GK: variants seen among roughly 807,000 people sequenced by gnomAD.
GK encodes ATP:glycerol 3-phosphotransferase.
A neutral mutation model predicts 56.4 loss-of-function variants in GK; 9 were observed. That is an observed-to-expected ratio of 0.16 (90% confidence interval 0.10 to 0.28). GK has a LOEUF of 0.28. Among genes scored for constraint, GK ranks in the 10% least tolerant of loss-of-function variants. GK has a pLI of 1.00. For missense variants in GK, 161 were observed against 431.4 expected, an observed-to-expected ratio of 0.37 and a Z score of 5.55; for synonymous variants, 104 against 144.1, an observed-to-expected ratio of 0.72 and a Z score of 1.99.
intron 13 of GK, among the ~76,000 whole-genome samples, chrX:30,708,717 A>G (rs140675112): frequency 2.6e-4 from 29 of 112,214 alleles, no homozygotes; most frequent in Middle Eastern, 4.6e-3. Flanking sequence ...TGTTAGAAAT[A>G]TTTATTTATA....
Position 30,653,730 on chromosome X carries a change from G to A in GK, c.78+115G>A. 6 of 705,688 alleles carry A rather than the reference G, an allele frequency of 8.5e-6. No homozygotes were observed. In the South Asian group the frequency reaches 1.4e-4, roughly 16 times the overall value. The allele number at this position is 705,688 out of a possible 1,213,427, so 58.2% of individuals were successfully genotyped here. A position where few individuals can be genotyped will look rare whatever the true frequency, so the allele number is the denominator to read the frequency against. On this transcript the variant is annotated intron_variant, in intron 1 of 20. Coordinates refer to ENST00000427190, the MANE Select transcript of GK (RefSeq NM_001205019.2). ...TCTCCGGCCCGGTGCCCCGGCCGCT[G>A]GGCAAGGAGGGAGGCCGGAACGGGA...
In GK at chrX:30,729,898, A is replaced by C. The variant is rs1246148173; in HGVS notation, c.*1156A>C. Reference sequence around the variant, plus strand: ...TATTGAGGGGATAAGAGGATGTCAAAAAAGTTAAATACCTAAGTAGAAAAA... The same window carrying C: ...TATTGAGGGGATAAGAGGATGTCAACAAAGTTAAATACCTAAGTAGAAAAA... On this transcript the variant is annotated 3_prime_UTR_variant, in exon 21 of 21. Coordinates refer to ENST00000427190, the MANE Select transcript of GK (RefSeq NM_001205019.2). The C allele has an allele frequency of 1.8e-5, 2 of 112,270 alleles. No individual in the cohort carries two copies. Among genetic ancestry groups the C allele is most frequent in the Non-Finnish European group, 3.8e-5 (2 of 53,117 alleles). 9.3% of individuals were successfully genotyped at this position (112,270 alleles called of 1,213,427 possible). A position where few individuals can be genotyped will look rare whatever the true frequency, so the allele number is the denominator to read the frequency against.
chrX:30,665,500 A>T lies in GK; in HGVS notation c.79-11A>T. 1 of 1,013,723 alleles carries T rather than the reference A, an allele frequency of 9.9e-7. No individual in the cohort carries two copies. Among genetic ancestry groups the T allele is most frequent in the Non-Finnish European group, 1.4e-6 (1 of 715,215 alleles). 83.5% of individuals were successfully genotyped at this position (1,013,723 alleles called of 1,213,427 possible). A position where few individuals can be genotyped will look rare whatever the true frequency, so the allele number is the denominator to read the frequency against. ...TGCATTTTTACATTAATATTACAAT[A>T]TCTTTTTCAGGTTTTCAATTCAAAA... On this transcript the variant is annotated splice_polypyrimidine_tract_variant and intron_variant, in intron 1 of 20. Coordinates refer to ENST00000427190, the MANE Select transcript of GK (RefSeq NM_001205019.2).
intron 11 of GK, among the ~76,000 whole-genome samples, chrX:30,707,263 G>A (rs1319061758): frequency 9.3e-6 from 1 of 107,863 alleles, no homozygotes; most frequent in Non-Finnish European, 1.9e-5. Context: ...TCGGGAGGCG[G>A]AGGTTGCAAT....
At chrX:30,654,833 C>T (rs926815054) in intron 1 of GK, among the ~76,000 whole-genome samples, 2 of 112,367 alleles carry the variant, frequency 1.8e-5, no homozygotes, top group Non-Finnish European at 3.8e-5. Context: ...ACTAACTTGG[C>T]AAGTTGATGT....
chrX:30,693,011 C>CTTTTTTTTT (rs1184645786), intron 5 of GK, among the ~76,000 whole-genome samples: 2 of 56,617 alleles, frequency 3.5e-5, no homozygotes, highest in African/African-American at 7.2e-5. Context: ...TTTTTCTTTT[C>CTTTTTTTTT]TTTTTTTTTT....
rs1569153785 is a variant in GK, at chrX:30,684,255, T to C, written c.337+6803T>C. On this transcript the variant is annotated intron_variant, in intron 4 of 20. Transcript: ENST00000427190. ...ATGGCCTAGCTGTATTTCCCCCTAA[T>C]TGGCCAAGTTTGCTCACTCACCACT... Among the ~76,000 whole-genome samples the C allele has an allele frequency of 2.7e-5, 3 of 112,291 alleles. No individual in the cohort carries two copies. In the South Asian group the frequency reaches 1.1e-3, roughly 41 times the overall value.
intron 1 of GK, among the ~76,000 whole-genome samples, chrX:30,664,362 G>A (rs1421903518): frequency 9.4e-6 from 1 of 106,316 alleles, no homozygotes; most frequent in African/African-American, 3.4e-5. Flanking sequence ...ACCACACCTA[G>A]CTAATTTTTG....
chrX:30,655,170 ACCCAGGGCAGGT>A (rs1185448945), intron 1 of GK, among the ~76,000 whole-genome samples: 479 of 112,331 alleles, frequency 4.3e-3, no homozygotes, highest in Non-Finnish European at 7.2e-3. Flanking sequence ...TCTTTTGATC[ACCCAGGGCAGGT>A]TTCACTTTGT....
chrX:30,664,255 G>A (rs1418281482), intron 1 of GK, among the ~76,000 whole-genome samples: 1 of 99,960 alleles, frequency 1.0e-5, no homozygotes, highest in Non-Finnish European at 2.0e-5. Context: ...GTGCAATAGC[G>A]TGATCTCGGC....
At chrX:30,699,161 CT>C (rs1379667831) in intron 9 of GK, among the ~76,000 whole-genome samples, 1 of 101,331 alleles carries the variant, frequency 9.9e-6, no homozygotes, top group African/African-American at 3.6e-5. Flanking sequence ...TACATCACCC[CT>C]ACTTCAGGGA....
chrX:30,712,717 C>CA (rs1936392617), intron 13 of GK, among the ~76,000 whole-genome samples: 1 of 48,436 alleles, frequency 2.1e-5, no homozygotes, highest in Non-Finnish European at 3.5e-5. Flanking sequence ...TTTTTCTTTT[C>CA]TTTTTTTTTT....
chrX:30,697,962 A>T (rs1485824868), intron 9 of GK, among the ~76,000 whole-genome samples: 1 of 112,107 alleles, frequency 8.9e-6, no homozygotes, highest in Non-Finnish European at 1.9e-5. Flanking sequence ...AAAATAAAAG[A>T]CTAAGGTAGT....
chrX:30,657,454 G>A (rs1932383311), intron 1 of GK, among the ~76,000 whole-genome samples: 1 of 112,344 alleles, frequency 8.9e-6, no homozygotes, highest in Non-Finnish European at 1.9e-5. Flanking sequence ...CCATTTCTTT[G>A]TAAGACAAAA....
intron 3 of GK, among the ~76,000 whole-genome samples, chrX:30,671,291 C>CAAAAA (rs56822779): frequency 3.0e-3 from 82 of 26,923 alleles, no homozygotes; most frequent in Middle Eastern, 0.015. Flanking sequence ...AACTCCATCT[C>CAAAAA]AAAAAAAAAA....
At chrX:30,673,509 A>G (rs939239577) in intron 3 of GK, among the ~76,000 whole-genome samples, 2 of 111,873 alleles carry the variant, frequency 1.8e-5, no homozygotes, top group Admixed American at 1.9e-4. Context: ...AACATTGAAA[A>G]AGTTCAGAGA....
intron 6 of GK, among the ~76,000 whole-genome samples, chrX:30,695,361 G>A (rs1243329882): frequency 8.9e-6 from 1 of 112,059 alleles, no homozygotes; most frequent in African/African-American, 3.2e-5. Context: ...CAATTGCATC[G>A]AACCAGAGTA....
intron 3 of GK, among the ~76,000 whole-genome samples, chrX:30,672,987 T>C (rs1454755261): frequency 8.9e-6 from 1 of 112,162 alleles, no homozygotes; most frequent in Admixed American, 9.5e-5. Context: ...AAAGGATGCA[T>C]CTCATCCATA....
intron 11 of GK, among the ~76,000 whole-genome samples, chrX:30,703,001 T>A (rs940786471): frequency 8.9e-6 from 1 of 111,908 alleles, no homozygotes; most frequent in Admixed American, 9.5e-5. Context: ...TCTTGGAATC[T>A]GGGTTCCAGG....
Sources: gnomAD v4.1 joint callset for allele counts (sites outside exome capture counted in the v4.1 genomes callset) on GRCh38, gnomAD v4.1.1 for gene constraint, MANE v1.5 for transcripts, NCBI Gene and HGNC (gene_info 2026-07-23, HGNC 2026-07-21) for gene names.